PRPF18: variants seen among roughly 807,000 people sequenced by gnomAD.
The protein encoded by PRPF18 is pre-mRNA-splicing factor 18.
Under a neutral mutation model 46.5 loss-of-function variants are expected in PRPF18, and 38 were observed. The observed-to-expected ratio is 0.82, with a 90% confidence interval of 0.63 to 1.07. The LOEUF (loss-of-function observed/expected upper bound fraction) is 1.07, where lower values mean the gene tolerates loss of function less well. Ranked by LOEUF, PRPF18 falls within the 50% of genes least tolerant of loss-of-function variation. PRPF18 has a pLI of 0.00. For synonymous variants in PRPF18, 152 were observed against 146.7 expected (o/e 1.04, Z -0.26); for missense variants, 263 against 410.0 (o/e 0.64, Z 3.10).
At chr10:13,591,925 AG>A (rs202033552) in intron 1 of PRPF18, 1 of 996,146 alleles carries the variant, frequency 1.0e-6, no homozygotes, top group Non-Finnish European at 1.4e-6. Flanking sequence ...GTGTCAACTG[AG>A]GGTTTTTTTT....
intron 2 of PRPF18, among the ~76,000 whole-genome samples, chr10:13,597,983 A>G (rs1263102609): frequency 1.3e-5 from 2 of 152,110 alleles, no homozygotes; most frequent in African/African-American, 4.8e-5. Context: ...ATTTTAAGCC[A>G]TCGATTTTAT....
chr10:13,587,027 C>G lies in PRPF18; in HGVS notation c.-60C>G. 1 of 1,565,914 alleles carries G rather than the reference C, an allele frequency of 6.4e-7. No individual in the cohort carries two copies. ...CTCAGTGGGTTCGCGGCCGCCGGCC[C>G]AGTGAGGCTGGGTTCGAGGAGCTGG... On this transcript the variant is annotated 5_prime_UTR_variant, in exon 1 of 10. Coordinates refer to ENST00000378572, the MANE Select transcript of PRPF18 (RefSeq NM_003675.4).
chr10:13,642,838 T>A, the PRPF18 span: 23 of 152,284 alleles, frequency 1.5e-4, no homozygotes, highest in African/African-American at 5.3e-4. Context: ...TAGAGAACAC[T>A]CTCTTGATGG....
At chr10:13,603,528 A>G (rs2080145249) in intron 3 of PRPF18, among the ~76,000 whole-genome samples, 1 of 152,254 alleles carries the variant, frequency 6.6e-6, no homozygotes, top group East Asian at 1.9e-4. Flanking sequence ...ACCCAATCTT[A>G]AGCAGTGTTT....
intron 9 of PRPF18, among the ~76,000 whole-genome samples, chr10:13,625,814 C>A (rs2080495316): frequency 6.6e-6 from 1 of 152,204 alleles, no homozygotes; most frequent in South Asian, 2.1e-4. Context: ...AGAGCAGTAC[C>A]TTTGCAATAG....
intron 9 of PRPF18, among the ~76,000 whole-genome samples, chr10:13,627,499 C>A (rs1157999075): frequency 6.6e-6 from 1 of 152,172 alleles, no homozygotes; most frequent in Non-Finnish European, 1.5e-5. Flanking sequence ...GCTTAAGCAT[C>A]CATAAGCAGT....
intron 9 of PRPF18, 117 bp from the exon 10 acceptor site, chr10:13,630,143 G>T: frequency 1.3e-6 from 1 of 786,180 alleles, no homozygotes; most frequent in Non-Finnish European, 2.1e-6. Context: ...GAGTGAATTT[G>T]CTTGGGTCTG....
chr10:13,647,087 G>T, the PRPF18 span: 1 of 346,528 alleles, frequency 2.9e-6, no homozygotes, highest in African/African-American at 2.2e-5. Flanking sequence ...GGAGGAGGAT[G>T]GGTTCAGCCA....
downstream of PRPF18, among the ~76,000 whole-genome samples, chr10:13,633,913 A>C (rs1315044045): frequency 6.6e-6 from 1 of 152,200 alleles, no homozygotes; most frequent in Non-Finnish European, 1.5e-5. Flanking sequence ...TGCTATGGGA[A>C]CACTGTTATG....
chr10:13,609,550 C>A (rs1035022717), intron 4 of PRPF18, among the ~76,000 whole-genome samples: 1 of 152,126 alleles, frequency 6.6e-6, no homozygotes, highest in Admixed American at 6.5e-5. Context: ...GCATAAAATG[C>A]GAATTTGCTG....
At chr10:13,641,723 C>T in the PRPF18 span, 1 of 152,240 alleles carries the variant, frequency 6.6e-6, no homozygotes, top group African/African-American at 2.4e-5. Flanking sequence ...CTTCTTCACA[C>T]TCCAAAGTGT....
chr10:13,616,605 T>A, intron 9 of PRPF18, 52 bp downstream of exon 9: 1 of 1,588,828 alleles, frequency 6.3e-7, no homozygotes, highest in Non-Finnish European at 8.6e-7. Flanking sequence ...ATTCTCTAAT[T>A]CCCAAAACTC....
chr10:13,616,314 A>C, intron 8 of PRPF18, 84 bp from the exon 9 acceptor site: 1 of 1,375,122 alleles, frequency 7.3e-7, no homozygotes, highest in Admixed American at 2.2e-5. Flanking sequence ...TTACATCATA[A>C]AGGGCTGTGA....
chr10:13,610,316 C>G, intron 5 of PRPF18, 131 bp downstream of exon 5: 1 of 1,039,752 alleles, frequency 9.6e-7, no homozygotes, highest in Non-Finnish European at 1.3e-6. Context: ...TTACTCCTCG[C>G]TTTTATTTAT....
the PRPF18 span, chr10:13,648,275 A>C: frequency 6.6e-6 from 1 of 152,184 alleles, no homozygotes. Context: ...GGGTATTACT[A>C]TATGTAGGTG....
intron 1 of PRPF18, chr10:13,592,237 CT>C (rs34216902): frequency 3.4e-5 from 19 of 558,784 alleles, no homozygotes; most frequent in East Asian, 9.0e-5. Context: ...TGAGGTGACC[CT>C]TTTTCACCTT....
At chr10:13,646,850 A>T in the PRPF18 span, 2 of 201,476 alleles carry the variant, frequency 9.9e-6, no homozygotes, top group Non-Finnish European at 1.8e-5. Context: ...GTGCAGGGTG[A>T]CGGTGCGTCT....
the PRPF18 span, among the ~76,000 whole-genome samples, chr10:13,637,369 C>T: frequency 1.3e-5 from 2 of 152,168 alleles, no homozygotes; most frequent in Non-Finnish European, 2.9e-5. Context: ...TTTAGCCCTT[C>T]TGGTAGTCAT....
intron 1 of PRPF18, among the ~76,000 whole-genome samples, chr10:13,590,801 G>C (rs1021818170): frequency 3.9e-5 from 6 of 152,068 alleles, no homozygotes; most frequent in African/African-American, 9.7e-5. Flanking sequence ...AAGAGATAGA[G>C]CCTGGATTTG....
Sources: allele counts gnomAD v4.1 joint callset (sites outside exome capture counted in the v4.1 genomes callset), GRCh38; gene constraint gnomAD v4.1.1; transcripts MANE v1.5; gene names NCBI Gene and HGNC (gene_info 2026-07-23, HGNC 2026-07-21).